Variants in KLF12 observed in about 807,000 individuals in gnomAD.
KLF12 encodes the protein Krueppel-like factor 12.
In KLF12, 9 loss-of-function variants were observed where a neutral mutation model predicts 37.8. That is an observed-to-expected ratio of 0.24 (90% confidence interval 0.14 to 0.42). KLF12 has a LOEUF of 0.42. KLF12 is among the 10% of genes least tolerant of loss of function. KLF12 has a pLI of 1.00. For synonymous variants in KLF12, 208 were observed against 202.1 expected, an observed-to-expected ratio of 1.03 and a Z score of -0.25; for missense variants, 411 against 516.0, an observed-to-expected ratio of 0.80 and a Z score of 1.97.
At chr13:74,055,710 T>C (rs781408863) in intron 1 of KLF12, among the ~76,000 whole-genome samples, 9 of 152,060 alleles carry the variant, frequency 5.9e-5, no homozygotes, top group Non-Finnish European at 1.3e-4. Flanking sequence ...CACTGGAAGG[T>C]AGGATAAGCA....
chr13:73,765,858 C>T (rs1360968376), intron 5 of KLF12, among the ~76,000 whole-genome samples: 1 of 152,110 alleles, frequency 6.6e-6, no homozygotes. Context: ...ACCCTTTATG[C>T]TTCATACATT....
At chr13:74,022,287 G>A (rs958804468) in intron 1 of KLF12, among the ~76,000 whole-genome samples, 2 of 151,998 alleles carry the variant, frequency 1.3e-5, no homozygotes, top group Non-Finnish European at 2.9e-5. Context: ...CACATAATAC[G>A]GGGGCAACAT....
At chr13:73,895,429 C>A (rs376767833) in intron 3 of KLF12, among the ~76,000 whole-genome samples, 2 of 152,228 alleles carry the variant, frequency 1.3e-5, no homozygotes, top group Non-Finnish European at 1.5e-5. Context: ...TCACATAATT[C>A]TCTTGTGTAC....
At chr13:73,873,374 T>C (rs1886561569) in intron 3 of KLF12, among the ~76,000 whole-genome samples, 1 of 152,188 alleles carries the variant, frequency 6.6e-6, no homozygotes, top group East Asian at 1.9e-4. Flanking sequence ...ATTTCAATCA[T>C]TTCATCACTA....
chr13:74,289,712 T>A, the KLF12 span, among the ~76,000 whole-genome samples: 7 of 152,146 alleles, frequency 4.6e-5, no homozygotes, highest in African/African-American at 1.7e-4. Flanking sequence ...AATTTTACAT[T>A]CTATATAGAA....
chr13:73,942,014 C>T (rs1890209858), intron 3 of KLF12, among the ~76,000 whole-genome samples: 1 of 152,132 alleles, frequency 6.6e-6, no homozygotes, highest in Non-Finnish European at 1.5e-5. Context: ...AAAAAAAATG[C>T]TTTCTATAAA....
At chr13:73,797,206 T>C (rs1040441790) in intron 5 of KLF12, among the ~76,000 whole-genome samples, 1 of 152,194 alleles carries the variant, frequency 6.6e-6, no homozygotes, top group African/African-American at 2.4e-5. Context: ...GCCACTGACT[T>C]CCTGTCTATA....
chr13:73,842,398 T>C (rs775640940), intron 4 of KLF12, among the ~76,000 whole-genome samples: 4 of 152,222 alleles, frequency 2.6e-5, no homozygotes, highest in Non-Finnish European at 5.9e-5. Context: ...GGAAAGTCAG[T>C]AGCTCTCATT....
chr13:73,994,803 T>A (rs1011548042), intron 2 of KLF12, among the ~76,000 whole-genome samples, 187 bp downstream of exon 2: 5 of 151,978 alleles, frequency 3.3e-5, no homozygotes, highest in African/African-American at 9.7e-5. Context: ...AAATGAGGAG[T>A]TGCTTCCATA....
the KLF12 span, among the ~76,000 whole-genome samples, chr13:74,271,754 G>A: frequency 6.6e-6 from 1 of 152,124 alleles, no homozygotes; most frequent in Non-Finnish European, 1.5e-5. Context: ...GTGAAGGTAG[G>A]CAAGTCAGGT....
At chr13:74,254,773 T>C in the KLF12 span, among the ~76,000 whole-genome samples, 1 of 152,084 alleles carries the variant, frequency 6.6e-6, no homozygotes, top group African/African-American at 2.4e-5. Context: ...ATGGTTTGCG[T>C]GTATGTGTGT....
At chr13:74,152,646 G>T in the KLF12 span, among the ~76,000 whole-genome samples, 1 of 152,068 alleles carries the variant, frequency 6.6e-6, no homozygotes, top group South Asian at 2.1e-4. Context: ...ATTTTAGGAG[G>T]CTGAGGTGGG....
chr13:73,698,401 T>C (rs1428677894), intron 7 of KLF12, among the ~76,000 whole-genome samples: 1 of 152,122 alleles, frequency 6.6e-6, no homozygotes, highest in East Asian at 1.9e-4. Context: ...TCAGGTGCTG[T>C]CTAGCTTTTT....
chr13:73,711,154 C>T (rs919195640), intron 7 of KLF12, among the ~76,000 whole-genome samples: 4 of 152,140 alleles, frequency 2.6e-5, no homozygotes, highest in Admixed American at 6.5e-5. Flanking sequence ...TGGAAGCTAG[C>T]GGAGGTTGGT....
the KLF12 span, among the ~76,000 whole-genome samples, chr13:74,286,110 T>C: frequency 1.6e-3 from 241 of 152,318 alleles, no homozygotes; most frequent in Non-Finnish European, 2.9e-3. Context: ...ATGAACAAAT[T>C]CATCATAAAA....
At chr13:74,103,232 T>A (rs2138880845) in intron 1 of KLF12, among the ~76,000 whole-genome samples, 3 of 152,380 alleles carry the variant, frequency 2.0e-5, no homozygotes, top group African/African-American at 7.2e-5. Context: ...CGAAACTAAC[T>A]GTAGGACACT....
At chr13:73,805,543 G>A (rs922957154) in intron 5 of KLF12, among the ~76,000 whole-genome samples, 35 of 148,774 alleles carry the variant, frequency 2.4e-4, no homozygotes, top group African/African-American at 8.2e-4. Context: ...TTGAGCCCAA[G>A]AGGTTGCAGT....
At chr13:74,193,537 CAA>C in the KLF12 span, among the ~76,000 whole-genome samples, 1 of 152,244 alleles carries the variant, frequency 6.6e-6, no homozygotes, top group South Asian at 2.1e-4. Flanking sequence ...TGGTTACTGC[CAA>C]AGTTACTCAT....
intron 1 of KLF12, among the ~76,000 whole-genome samples, chr13:74,059,857 T>C (rs564655643): frequency 2.0e-5 from 3 of 152,354 alleles, no homozygotes; most frequent in African/African-American, 4.8e-5. Context: ...TCTAGGCCAA[T>C]ATCCAAAAGA....
Sources: gnomAD v4.1 joint callset for allele counts (sites outside exome capture counted in the v4.1 genomes callset) on GRCh38, gnomAD v4.1.1 for gene constraint, MANE v1.5 for transcripts, NCBI Gene and HGNC (gene_info 2026-07-23, HGNC 2026-07-21) for gene names.